The following ADGRA2 variants were observed in gnomAD, a reference collection of about 807,000 sequenced individuals.
The protein encoded by ADGRA2 is adhesion G protein-coupled receptor A2, also known as G-protein coupled receptor 124.
In ADGRA2, 61 loss-of-function variants were observed where a neutral mutation model predicts 98.7. The ratio of observed to expected loss-of-function variants is 0.62; its 90% CI spans 0.50 to 0.76. The LOEUF is 0.76. ADGRA2 is among the 30% of genes least tolerant of loss of function. The probability of loss-of-function intolerance (pLI) is 0.00; values close to 1 mark genes in which losing one functional copy is unlikely to be tolerated. For synonymous variants in ADGRA2, 858 were observed against 831.5 expected (o/e 1.03, Z -0.55); for missense variants, 1,712 against 1,860.0 (o/e 0.92, Z 1.46).
At chr8:37,829,828 T>C (rs373664465) in intron 5 of ADGRA2, 23 bp from the exon 6 acceptor site, 282 of 1,601,450 alleles carry the variant, frequency 1.8e-4, no homozygotes, top group Non-Finnish European at 1.9e-4. Flanking sequence ...CTCTGCTCCG[T>C]GACCCCTCTG....
intron 13 of ADGRA2, among the ~76,000 whole-genome samples, chr8:37,836,097 A>ACACACACC (rs1245868623): frequency 5.3e-4 from 58 of 108,738 alleles, no homozygotes; most frequent in African/African-American, 2.0e-3. Flanking sequence ...ACACACACAC[A>ACACACACC]CCCCACAGGC....
At chr8:37,831,095 A>ATCT (rs1805440040) in intron 7 of ADGRA2, among the ~76,000 whole-genome samples, 172 bp downstream of exon 7, 3 of 152,360 alleles carry the variant, frequency 2.0e-5, no homozygotes, top group African/African-American at 7.2e-5. Context: ...GGCTAGAAAT[A>ATCT]AATATCTGAT....
At chr8:37,816,578 CGA>C (rs1228327580) in intron 2 of ADGRA2, among the ~76,000 whole-genome samples, 2 of 144,992 alleles carry the variant, frequency 1.4e-5, no homozygotes, top group Non-Finnish European at 3.0e-5. Context: ...TGTGACAGAG[CGA>C]GACTCCGTCT....
chr8:37,830,830 G>A lies in ADGRA2; in HGVS notation c.839G>A (p.Arg280His), dbSNP rs199751275. 3.3e-5 allele frequency: 52 copies of A among 1,591,704 alleles called. No homozygotes were observed. Among genetic ancestry groups the A allele is most frequent in the Middle Eastern group, 1.7e-4 (1 of 6,052 alleles). Residue 280 changes from arginine to histidine, a missense_variant, in exon 7 of 19, where the codon CGC becomes CAC. Coordinates refer to ENST00000412232, the MANE Select transcript of ADGRA2 (RefSeq NM_032777.10). The surrounding 1 kb of genome is among the most constrained non-coding windows in gnomAD (Gnocchi z 4.8). ...TACCTGGGCAACGACACCCGCATCC[G>A]CTGGTACCACAACCGAGCCCCTGTG... The part of the protein sequence containing the change: ...ASYLGNDTRI[R>H]WYHNRAPVEG...
At chr8:37,822,360 G>A (rs944172435) in intron 2 of ADGRA2, among the ~76,000 whole-genome samples, 5 of 149,966 alleles carry the variant, frequency 3.3e-5, no homozygotes, top group African/African-American at 7.4e-5. Flanking sequence ...GACTCTCTGC[G>A]GCCCCACCCT....
chr8:37,817,432 C>A (rs1045154027), intron 2 of ADGRA2, among the ~76,000 whole-genome samples: 1 of 152,140 alleles, frequency 6.6e-6, no homozygotes, highest in African/African-American at 2.4e-5. Context: ...TCCTTGGTGC[C>A]AGGCATGGTG....
chr8:37,810,925 G>A (rs974076168), intron 1 of ADGRA2, among the ~76,000 whole-genome samples: 1 of 151,658 alleles, frequency 6.6e-6, no homozygotes, highest in Non-Finnish European at 1.5e-5. Flanking sequence ...GACCATCCTG[G>A]CTAACATAGT....
intron 1 of ADGRA2, among the ~76,000 whole-genome samples, chr8:37,803,044 C>T (rs548866729): frequency 6.6e-6 from 1 of 152,192 alleles, no homozygotes; most frequent in Non-Finnish European, 1.5e-5. Flanking sequence ...GTGGCAACCC[C>T]TCGTCCTGGG....
chr8:37,832,877 G>A (rs1210305353), intron 8 of ADGRA2, 133 bp from the exon 9 acceptor site: 1 of 691,638 alleles, frequency 1.4e-6, no homozygotes, highest in African/African-American at 1.8e-5. Context: ...ACCCCTGGAA[G>A]GCTGGTCTGA....
chr8:37,801,797 T>C (rs1804514553), intron 1 of ADGRA2, among the ~76,000 whole-genome samples: 1 of 152,214 alleles, frequency 6.6e-6, no homozygotes, highest in African/African-American at 2.4e-5. Flanking sequence ...GGGCATTGCA[T>C]TCCTGCCAGG....
Position 37,841,509 on chromosome 8 carries a change from A to C in ADGRA2, c.3171A>C (p.Ala1057=). Residue 1057 remains alanine, a synonymous_variant, in exon 19 of 19, where the codon GCA becomes GCC. Transcript: ENST00000412232. This position sits in a 1 kb window ranked among gnomAD's most constrained non-coding sequence, Gnocchi z 5.0. ...TGTGCAGCTGCTTGTACGGGGTGGC[A>C]GCCTCCGCCCTGGGCCTCTTCGTCT... ...RVVCSCLYGV[A]ASALGLFVFT... is the part of the protein sequence containing the mutation. 6.2e-7 allele frequency: 1 copy of C among 1,612,898 alleles called. No individual in the cohort carries two copies.
chr8:37,830,615 G>GC lies in ADGRA2; in HGVS notation c.719-91dup. The GC allele has an allele frequency of 8.2e-6, 2 of 244,716 alleles. No homozygotes were observed. The highest frequency in any genetic ancestry group is 1.6e-5 in the Non-Finnish European group (2 of 123,234). 15.2% of individuals were successfully genotyped at this position (244,716 alleles called of 1,614,324 possible). A position where few individuals can be genotyped will look rare whatever the true frequency, so the allele number is the denominator to read the frequency against. On this transcript the variant is annotated intron_variant, in intron 6 of 18. Coordinates refer to ENST00000412232, the MANE Select transcript of ADGRA2 (RefSeq NM_032777.10). This position sits in a 1 kb window ranked among gnomAD's most constrained non-coding sequence, Gnocchi z 4.8. ...GAGCAGGCTGCAGGCCGAGGGCCCC[G>GC]CCCCGCCCCACCCCATCCTGCTGGA...
At position 37,835,716 on chromosome 8, in the gene ADGRA2, G is replaced by C; in HGVS notation, c.1996G>C (p.Ala666Pro). ...CAGCAACACCTCCCGCCCTGGAGCT[G>C]CTGGGCCTGGCAAGAGGCGTGGCGT... ...SHSNTSRPGA[A>P]GPGKRRGVAT... Residue 666 changes from alanine to proline, a missense_variant, in exon 13 of 19, where the codon GCT becomes CCT. Physicochemically the swap from Ala to Pro is conservative, Grantham distance 27. Transcript: ENST00000412232. 6.2e-7 allele frequency: 1 copy of C among 1,613,858 alleles called. No homozygotes were observed.
At chr8:37,805,762 A>G (rs1804640486) in intron 1 of ADGRA2, among the ~76,000 whole-genome samples, 1 of 151,870 alleles carries the variant, frequency 6.6e-6, no homozygotes, top group African/African-American at 2.4e-5. Context: ...CCAGCTACTC[A>G]TGAGGCTGAG....
In ADGRA2 at chr8:37,815,715, G is replaced by A. The variant is rs568980243; in HGVS notation, c.338+748G>A. Among the ~76,000 whole-genome samples the A allele has an allele frequency of 4.6e-5, 7 of 152,336 alleles. No individual in the cohort carries two copies. In the East Asian group the frequency reaches 1.2e-3, roughly 25 times the overall value. On this transcript the variant is annotated intron_variant, in intron 2 of 18. Transcript: ENST00000412232. ...CGGGGCTCATGGAGAGGTAGGGTAA[G>A]CCCTGGGTGGGAGACCTCACTCAGC... is the stretch of plus-strand genomic sequence containing the variant.
intron 1 of ADGRA2, among the ~76,000 whole-genome samples, chr8:37,811,062 C>T (rs1379565309): frequency 5.7e-5 from 8 of 140,782 alleles, no homozygotes; most frequent in South Asian, 4.5e-4. Flanking sequence ...TGCAGTGAGC[C>T]GAGATCACGC....
In ADGRA2 at chr8:37,842,305, AGCGGCG is replaced by A. The variant is rs769526497; in HGVS notation, c.3970_3975del (p.Gly1324_Gly1325del). On this transcript the variant is annotated inframe_deletion, in exon 19 of 19. Transcript: ENST00000412232. ...CACCCTGATGGGCGCGGAGGTAGCC[AGCGGCG>A]GCTGCATGAAGACCGGACTCTGGAA... 1.2e-5 allele frequency: 19 copies of A among 1,547,618 alleles called. No individual in the cohort carries two copies. The African/African-American group carries it at 2.0e-4, about 16-fold the overall frequency.
Position 37,797,501 on chromosome 8 carries a change from A to G in ADGRA2, c.233A>G (p.Glu78Gly). 7.1e-7 allele frequency: 1 copy of G among 1,402,762 alleles called. No homozygotes were observed. Among genetic ancestry groups the G allele is most frequent in the Non-Finnish European group, 9.3e-7 (1 of 1,074,758 alleles). 86.9% of individuals were successfully genotyped at this position (1,402,762 alleles called of 1,614,324 possible). The change falls in exon 1 of 19, where the codon GAG becomes GGG. Residue 78 changes from glutamate (E) to glycine (G), a missense_variant. Glu to Gly is a moderately conservative substitution (Grantham distance 98). Coordinates refer to ENST00000412232, the MANE Select transcript of ADGRA2 (RefSeq NM_032777.10). The surrounding 1 kb of genome is among the most constrained non-coding windows in gnomAD (Gnocchi z 5.3). ...CSGGDLPEPP[E>G]PGLLPNGTVT... ...GGCGGGGACCTCCCGGAGCCTCCCG[A>G]GCCCGGCCTTCTGCCTAACGGCACC...
intron 2 of ADGRA2, among the ~76,000 whole-genome samples, chr8:37,815,938 C>T (rs1254222407): frequency 6.6e-6 from 1 of 152,216 alleles, no homozygotes; most frequent in African/African-American, 2.4e-5. Flanking sequence ...TCCCGTCTCC[C>T]ATCTCTGCTC....
Sources: gnomAD v4.1 joint callset for allele counts (sites outside exome capture counted in the v4.1 genomes callset) on GRCh38, gnomAD v4.1.1 for gene constraint, Gnocchi (gnomAD v3.1) non-coding constraint, MANE v1.5 for transcripts, NCBI Gene and HGNC (gene_info 2026-07-23, HGNC 2026-07-21) for gene names.